RASA3: variants seen among roughly 807,000 people sequenced by gnomAD.
RASA3 encodes the protein ras GTPase-activating protein 3.
A neutral mutation model predicts 110.0 loss-of-function variants in RASA3; 73 were observed. That is an observed-to-expected ratio of 0.66 (90% CI 0.55 to 0.81). RASA3 has a LOEUF of 0.81. RASA3 is among the 30% of genes least tolerant of loss of function. RASA3 has a pLI of 0.00. For missense variants in RASA3, 976 were observed against 1,113.2 expected (o/e 0.88, Z 1.75); for synonymous variants, 500 against 451.4 (o/e 1.11, Z -1.37).
Position 114,057,331 on chromosome 13 carries a change from A to G in RASA3, c.174-5176T>C. On this transcript the variant is annotated intron_variant, in intron 2 of 23. Coordinates refer to ENST00000334062, the MANE Select transcript of RASA3 (RefSeq NM_007368.4). The surrounding 1 kb of genome is among the most constrained non-coding windows in gnomAD (Gnocchi z 5.0). ...TCAACGGAGCTCTGAGCCACCAACC[A>G]CTGTGACCAAGCTTCATTCCCACGA... 1 of 985,274 alleles carries G rather than the reference A, an allele frequency of 1.0e-6. No homozygotes were observed. Among genetic ancestry groups the G allele is most frequent in the Non-Finnish European group, 1.2e-6 (1 of 829,876 alleles). The allele number at this position is 985,274 out of a possible 1,614,324, so 61.0% of individuals were successfully genotyped here.
At chr13:114,087,141 T>G (rs2079829527) in intron 1 of RASA3, among the ~76,000 whole-genome samples, 1 of 78,494 alleles carries the variant, frequency 1.3e-5, no homozygotes. Flanking sequence ...GAGTCTGGAG[T>G]ATCGACTCCC....
In RASA3 at chr13:113,999,567, T is replaced by C. The variant is rs766189516; in HGVS notation, c.1932+18A>G. On this transcript the variant is annotated intron_variant, in intron 20 of 23. Coordinates refer to ENST00000334062, the MANE Select transcript of RASA3 (RefSeq NM_007368.4). ...CAGGCCTCAACCCGAAAGAGAGGCT[T>C]GGGGGCCCCACACTCACGTTTTTCA... is the stretch of plus-strand genomic sequence containing the variant. 1 of 1,610,754 alleles carries C rather than the reference T, an allele frequency of 6.2e-7. No individual in the cohort carries two copies. The highest frequency in any genetic ancestry group is 1.1e-5 in the South Asian group (1 of 90,978).
rs7323250 is a variant in RASA3, at chr13:114,088,848, C to A, written c.56-15011G>T. 1.3e-3 allele frequency among the ~76,000 whole-genome samples: 198 copies of A among 152,280 alleles called. 1 individual carries two copies. The highest frequency in any genetic ancestry group is 3.5e-3 in the African/African-American group (145 of 41,548). On this transcript the variant is annotated intron_variant, in intron 1 of 23. Coordinates refer to ENST00000334062, the MANE Select transcript of RASA3 (RefSeq NM_007368.4). Reference sequence around the variant, plus strand: ...TACAGGCGTGAGCCACTGTGCCTGGCCCTAAAATTCCCAAATTAATTTTCA... The same window carrying A: ...TACAGGCGTGAGCCACTGTGCCTGGACCTAAAATTCCCAAATTAATTTTCA...
chr13:113,994,481 A>G (rs1157125882), intron 21 of RASA3, among the ~76,000 whole-genome samples: 1 of 152,196 alleles, frequency 6.6e-6, no homozygotes, highest in Non-Finnish European at 1.5e-5. Context: ...AAAAGAAGAA[A>G]GAAGATGAAG....
intron 1 of RASA3, among the ~76,000 whole-genome samples, chr13:114,108,325 C>G (rs2080166932): frequency 6.9e-6 from 1 of 144,238 alleles, no homozygotes; most frequent in Non-Finnish European, 1.5e-5. Flanking sequence ...ACCATCACCC[C>G]ATCTGTCACC....
chr13:114,081,639 G>A (rs571887134), intron 1 of RASA3, among the ~76,000 whole-genome samples: 5 of 152,210 alleles, frequency 3.3e-5, no homozygotes, highest in African/African-American at 7.2e-5. Flanking sequence ...GAAAGAAGGC[G>A]ATTGCAGACA....
In RASA3 at chr13:114,083,488, G is replaced by C. The variant is rs9525388; in HGVS notation, c.56-9651C>G. Among the ~76,000 whole-genome samples the C allele has an allele frequency of 2.0e-5, 3 of 151,272 alleles. No homozygotes were observed. The East Asian group carries it at 5.9e-4, about 30-fold the overall frequency. On this transcript the variant is annotated intron_variant, in intron 1 of 23. Coordinates refer to ENST00000334062, the MANE Select transcript of RASA3 (RefSeq NM_007368.4). ...CAGCCTGGAGCCCAGCAGCAATGGC[G>C]TGCCGTGAAATCACAGGAAGTGCTG...
intron 12 of RASA3, 25 bp downstream of exon 12, chr13:114,017,212 T>C (rs752279484): frequency 3.2e-6 from 5 of 1,585,692 alleles, no homozygotes; most frequent in Non-Finnish European, 2.6e-6. Context: ...CTCGTGAGGC[T>C]GAGGACTCTC....
At chr13:114,059,116 G>A (rs2079295439) in intron 2 of RASA3, among the ~76,000 whole-genome samples, 2 of 152,210 alleles carry the variant, frequency 1.3e-5, no homozygotes, top group Non-Finnish European at 2.9e-5. Flanking sequence ...GTTCCAGGCT[G>A]CAGTGAGCTG....
chr13:114,041,134 C>A, intron 3 of RASA3, 40 bp from the exon 4 acceptor site: 1 of 1,569,620 alleles, frequency 6.4e-7, no homozygotes, highest in Non-Finnish European at 8.8e-7. Context: ...CGGGCACAGG[C>A]CCCAGAGCCA....
At chr13:114,073,912 C>T in intron 1 of RASA3, 75 bp from the exon 2 acceptor site, 1 of 1,309,262 alleles carries the variant, frequency 7.6e-7, no homozygotes. Flanking sequence ...GACACGTTTC[C>T]AGCCTTTGCT....
At chr13:114,002,190 G>A (rs2053420679) in intron 18 of RASA3, among the ~76,000 whole-genome samples, 1 of 152,250 alleles carries the variant, frequency 6.6e-6, no homozygotes, top group African/African-American at 2.4e-5. Flanking sequence ...GTGGGGAGGT[G>A]GGCGGGGGAG....
At position 114,048,664 on chromosome 13, in the gene RASA3, G is replaced by A. The variant is rs1241919407; in HGVS notation, c.277+3388C>T. Among the ~76,000 whole-genome samples the A allele has an allele frequency of 6.6e-6, 1 of 152,220 alleles. No homozygotes were observed. Among genetic ancestry groups the A allele is most frequent in the Non-Finnish European group, 1.5e-5 (1 of 68,032 alleles). Reference sequence around the variant, plus strand: ...GCCTCCCTGCGCCTGGAATCCCGAAGGAGCCTGCGCCCCGTGTGTCCCGCA... The same window carrying A: ...GCCTCCCTGCGCCTGGAATCCCGAAAGAGCCTGCGCCCCGTGTGTCCCGCA... On this transcript the variant is annotated intron_variant, in intron 3 of 23. Coordinates refer to ENST00000334062, the MANE Select transcript of RASA3 (RefSeq NM_007368.4). This position sits in a 1 kb window ranked among gnomAD's most constrained non-coding sequence, Gnocchi z 4.3.
At position 114,016,243 on chromosome 13, in the gene RASA3, A is replaced by C; in HGVS notation, c.1235T>G (p.Ile412Ser). The change falls in exon 13 of 24, where the codon ATC becomes AGC. Residue 412 changes from isoleucine (I) to serine (S), a missense_variant. Coordinates refer to ENST00000334062, the MANE Select transcript of RASA3 (RefSeq NM_007368.4). The stretch of plus-strand genomic sequence containing the variant: ...TCCGTCTTTCAACTTCACAGGGTCG[A>C]TTTCACAGGGTTTGTGGCTCTGGCA... ...EICQSHKPCE[I>S]DPVKLKDGEN... The C allele has an allele frequency of 1.2e-6, 2 of 1,602,386 alleles. No homozygotes were observed. The highest frequency in any genetic ancestry group is 1.7e-6 in the Non-Finnish European group (2 of 1,169,488).
chr13:114,092,615 A>G (rs1009041647), intron 1 of RASA3, among the ~76,000 whole-genome samples: 1 of 152,188 alleles, frequency 6.6e-6, no homozygotes, highest in Non-Finnish European at 1.5e-5. Flanking sequence ...CCACTTGCCA[A>G]TGAGAATAAT....
At chr13:114,061,893 G>A (rs905008494) in intron 2 of RASA3, among the ~76,000 whole-genome samples, 5 of 152,144 alleles carry the variant, frequency 3.3e-5, no homozygotes, top group African/African-American at 1.2e-4. Context: ...GACTCAACAG[G>A]GGACGTGTCT....
rs771630619 is a variant in RASA3 at position 113,979,384 on chromosome 13, A to C, written c.2468T>G (p.Ile823Ser). 6.2e-7 allele frequency: 1 copy of C among 1,606,356 alleles called. No homozygotes were observed. Among genetic ancestry groups the C allele is most frequent in the South Asian group, 1.1e-5 (1 of 90,798 alleles). Residue 823 changes from isoleucine to serine, a missense_variant, in exon 24 of 24, where the codon ATC (isoleucine) becomes AGC (serine). This residue lies in a region of RASA3 where 132 missense variants were observed against 152.8 expected (regional missense o/e 0.86). Transcript: ENST00000334062. ...PIGDKSFQNY[I>S]RQQSETSTHS... ...AGTGGAGGTCTCGGACTGCTGCCGG[A>C]TGTAGTTCTGGAAGCTCTTGTCTCC...
intron 9 of RASA3, among the ~76,000 whole-genome samples, chr13:114,020,696 C>A (rs573140002): frequency 2.0e-4 from 31 of 152,312 alleles, no homozygotes; most frequent in African/African-American, 6.7e-4. Flanking sequence ...CACCAAGCAC[C>A]TGGAGACAAC....
chr13:114,129,494 C>T (rs1023517088), intron 1 of RASA3, among the ~76,000 whole-genome samples: 1 of 152,154 alleles, frequency 6.6e-6, no homozygotes, highest in Non-Finnish European at 1.5e-5. Context: ...CCAATGTCAA[C>T]GTCTGAATGA....
Sources: allele counts gnomAD v4.1 joint callset (sites outside exome capture counted in the v4.1 genomes callset), GRCh38; gene constraint gnomAD v4.1.1; regional missense constraint gnomAD v4.1.1; non-coding constraint Gnocchi (gnomAD v3.1); transcripts MANE v1.5; gene names NCBI Gene and HGNC (gene_info 2026-07-23, HGNC 2026-07-21).